Variants in PARD3B observed in about 807,000 individuals in gnomAD.
The protein encoded by PARD3B is partitioning defective 3 homolog B.
In PARD3B, 103 loss-of-function variants were observed where a neutral mutation model predicts 130.2. The ratio of observed to expected loss-of-function variants is 0.79; its 90% confidence interval spans 0.67 to 0.93. The LOEUF is 0.93. Ranked by LOEUF, PARD3B falls within the 40% of genes least tolerant of loss-of-function variation. The pLI, the probability that PARD3B is intolerant of heterozygous loss-of-function variation, is 0.00. For synonymous variants in PARD3B, 583 were observed against 553.2 expected, an observed-to-expected ratio of 1.05 and a Z score of -0.76; for missense variants, 1,609 against 1,499.2, an observed-to-expected ratio of 1.07 and a Z score of -1.21.
At chr2:204,690,477 G>T (rs944842962) in intron 2 of PARD3B, among the ~76,000 whole-genome samples, 1 of 152,138 alleles carries the variant, frequency 6.6e-6, no homozygotes. Flanking sequence ...GAAAGAAGAA[G>T]GCAGGAGAGT....
chr2:205,445,191 C>T (rs991028436), intron 20 of PARD3B, among the ~76,000 whole-genome samples: 5 of 152,136 alleles, frequency 3.3e-5, no homozygotes, highest in Non-Finnish European at 2.9e-5. Flanking sequence ...GGTCACACAG[C>T]ATGGAATCAG....
Position 205,619,954 on chromosome 2 carries a change from C to G in PARD3B, c.*4141C>G, listed in dbSNP as rs1433115262. The G allele has an allele frequency of 1.3e-5, 2 of 152,046 alleles. No homozygotes were observed. The highest frequency in any genetic ancestry group is 4.8e-5 in the African/African-American group (2 of 41,402). The allele number at this position is 152,046 out of a possible 1,614,324, so 9.4% of individuals were successfully genotyped here. A position where few individuals can be genotyped will look rare whatever the true frequency, so the allele number is the denominator to read the frequency against. ...ATCACTTTTTCTGGTGTTTCCTGTG[C>G]TTTTGTGATTCCAAGTCTGTTCATA... On this transcript the variant is annotated 3_prime_UTR_variant, in exon 23 of 23. Transcript: ENST00000406610.
intron 19 of PARD3B, among the ~76,000 whole-genome samples, chr2:205,415,500 A>G (rs1308337048): frequency 6.6e-6 from 1 of 152,182 alleles, no homozygotes; most frequent in Non-Finnish European, 1.5e-5. Flanking sequence ...TTATGCTAAA[A>G]TATTCAATGT....
In PARD3B at chr2:205,300,721, G is replaced by A. The variant is rs964093578; in HGVS notation, c.2377G>A (p.Glu793Lys). 3 of 1,610,692 alleles carry A rather than the reference G, an allele frequency of 1.9e-6. No individual in the cohort carries two copies. In the African/African-American group the frequency reaches 4.0e-5, roughly 22 times the overall value. ...CATTGACAAATCCTACGATGGACCTGAAGAAATAGAAGCTGGTAGGATGAT... is the reference window on the plus strand; with the variant it reads ...CATTGACAAATCCTACGATGGACCTAAAGAAATAGAAGCTGGTAGGATGAT... Reference protein sequence around the residue: ...AAIDKSYDGPEEIEADGLSDK... With the variant: ...AAIDKSYDGPKEIEADGLSDK... The change falls in exon 17 of 23, where the codon GAA becomes AAA. Residue 793 changes from glutamate to lysine, a missense_variant. By Grantham distance (56) the Glu-to-Lys change is moderately conservative. Transcript: ENST00000406610. This position sits in a 1 kb window ranked among gnomAD's most constrained non-coding sequence, Gnocchi z 4.1.
chr2:205,576,660 A>G (rs569578480), intron 22 of PARD3B, among the ~76,000 whole-genome samples: 58 of 152,134 alleles, frequency 3.8e-4, no homozygotes, highest in Non-Finnish European at 6.3e-4. Flanking sequence ...CTCTTTGTCT[A>G]TTCTTTCACC....
rs1240282148 is a variant in PARD3B at position 204,606,526 on chromosome 2, C to T, written c.120+60407C>T. Among the ~76,000 whole-genome samples the T allele has an allele frequency of 6.6e-6, 1 of 152,108 alleles. No homozygotes were observed. The highest frequency in any genetic ancestry group is 2.4e-5 in the African/African-American group (1 of 41,414). On this transcript the variant is annotated intron_variant, in intron 1 of 22. Transcript: ENST00000406610. This position sits in a 1 kb window ranked among gnomAD's most constrained non-coding sequence, Gnocchi z 4.0. ...CTTTTAAAGCTTCTGCACAGAGAGA[C>T]CCATGTTACTTCTGCTCACATTTCG... is the stretch of plus-strand genomic sequence containing the variant.
chr2:204,970,756 A>T (rs1691631683), intron 3 of PARD3B, among the ~76,000 whole-genome samples: 1 of 152,218 alleles, frequency 6.6e-6, no homozygotes, highest in Admixed American at 6.5e-5. Context: ...AGTACTTTAA[A>T]CTTGGCTGTT....
intron 4 of PARD3B, among the ~76,000 whole-genome samples, chr2:205,069,261 T>C (rs1700572626): frequency 6.6e-6 from 1 of 152,104 alleles, no homozygotes. Flanking sequence ...ACCACTTGTT[T>C]GTTTTGGTTA....
At chr2:204,937,049 T>C (rs555538946) in intron 2 of PARD3B, among the ~76,000 whole-genome samples, 3 of 152,346 alleles carry the variant, frequency 2.0e-5, no homozygotes, top group Admixed American at 2.0e-4. Context: ...AGACACACAG[T>C]GCTTGAGTAA....
intron 15 of PARD3B, among the ~76,000 whole-genome samples, chr2:205,237,518 A>G (rs2039121873): frequency 6.6e-6 from 1 of 152,198 alleles, no homozygotes; most frequent in African/African-American, 2.4e-5. Flanking sequence ...CCAGAAAGAC[A>G]TTTATTTCCT....
intron 2 of PARD3B, among the ~76,000 whole-genome samples, chr2:204,940,559 C>T (rs1344525550): frequency 6.7e-6 from 1 of 148,504 alleles, no homozygotes. Context: ...AATATCATTA[C>T]AAAAAAAATT....
rs1469573796 is a variant in PARD3B at position 205,146,544 on chromosome 2, G to A, written c.1435-12178G>A. Among the ~76,000 whole-genome samples, 6 of 151,564 alleles carry A rather than the reference G, an allele frequency of 4.0e-5. No individual in the cohort carries two copies. Among genetic ancestry groups the A allele is most frequent in the African/African-American group, 2.4e-5 (1 of 41,298 alleles). ...CGGGCGCCTGTAGTCCCAGCTACTC[G>A]GGAGGCTGAGGCAGGAGAATGGCGT... is the stretch of plus-strand genomic sequence containing the variant. On this transcript the variant is annotated intron_variant, in intron 10 of 22. Transcript: ENST00000406610. This position sits in a 1 kb window ranked among gnomAD's most constrained non-coding sequence, Gnocchi z 4.3.
At chr2:204,858,013 T>A (rs2045025149) in intron 2 of PARD3B, among the ~76,000 whole-genome samples, 1 of 152,172 alleles carries the variant, frequency 6.6e-6, no homozygotes, top group South Asian at 2.1e-4. Context: ...GGTACTTCAA[T>A]GGAATTTATC....
At chr2:204,856,163 A>G (rs1486831315) in intron 2 of PARD3B, among the ~76,000 whole-genome samples, 1 of 151,790 alleles carries the variant, frequency 6.6e-6, no homozygotes, top group African/African-American at 2.4e-5. Context: ...ATTCCCACCA[A>G]CACTCTACAC....
chr2:204,828,108 C>A (rs1259300342), intron 2 of PARD3B, among the ~76,000 whole-genome samples: 1 of 152,156 alleles, frequency 6.6e-6, no homozygotes, highest in Non-Finnish European at 1.5e-5. Flanking sequence ...ATTTCCTCAG[C>A]ACTCATTTGT....
intron 4 of PARD3B, among the ~76,000 whole-genome samples, chr2:205,050,844 G>A (rs999244699): frequency 6.6e-6 from 1 of 151,978 alleles, no homozygotes; most frequent in African/African-American, 2.4e-5. Flanking sequence ...TTTGAGTCCT[G>A]GGGAAGATCT....
At chr2:205,182,725 A>T (rs2035864386) in intron 13 of PARD3B, among the ~76,000 whole-genome samples, 2 of 152,234 alleles carry the variant, frequency 1.3e-5, no homozygotes, top group African/African-American at 4.8e-5. Context: ...AAAGACAGTG[A>T]AAGTCTATTT....
chr2:204,818,120 A>C (rs1301967705), intron 2 of PARD3B, among the ~76,000 whole-genome samples: 1 of 152,194 alleles, frequency 6.6e-6, no homozygotes, highest in Non-Finnish European at 1.5e-5. Flanking sequence ...ACAGACAGAC[A>C]TCTGCTTTAG....
At chr2:205,487,789 A>C (rs1328613200) in intron 20 of PARD3B, among the ~76,000 whole-genome samples, 1 of 152,218 alleles carries the variant, frequency 6.6e-6, no homozygotes, top group African/African-American at 2.4e-5. Flanking sequence ...TCAGATATGT[A>C]TTCTTAAAAC....
Sources: gnomAD v4.1 joint callset for allele counts (sites outside exome capture counted in the v4.1 genomes callset) on GRCh38, gnomAD v4.1.1 for gene constraint, Gnocchi (gnomAD v3.1) non-coding constraint, MANE v1.5 for transcripts, NCBI Gene and HGNC (gene_info 2026-07-23, HGNC 2026-07-21) for gene names.